Variants in GABRA5 observed in about 807,000 individuals in gnomAD.
The protein encoded by GABRA5 is gamma-aminobutyric acid receptor subunit alpha-5.
A neutral mutation model predicts 47.3 loss-of-function variants in GABRA5; 18 were observed. The ratio of observed to expected loss-of-function variants is 0.38; its 90% CI spans 0.26 to 0.56. The LOEUF is 0.56. GABRA5 is among the 20% of genes least tolerant of loss of function. The pLI, the probability that GABRA5 is intolerant of heterozygous loss-of-function variation, is 0.71. For synonymous variants in GABRA5, 237 were observed against 229.3 expected, an observed-to-expected ratio of 1.03 and a Z score of -0.30; for missense variants, 365 against 599.3, an observed-to-expected ratio of 0.61 and a Z score of 4.08.
rs573402451 is a variant in GABRA5, at chr15:26,889,535, TAGTC to T, written c.497+5980_497+5983del. Among the ~76,000 whole-genome samples the T allele has an allele frequency of 1.5e-3, 230 of 152,330 alleles. 1 individual carries two copies. Among genetic ancestry groups the T allele is most frequent in the African/African-American group, 5.3e-3 (219 of 41,578 alleles). ...TGTCACATTTTTGCTTCATGATTGG[TAGTC>T]AATATCAAATAGCATTAATAGGTAA... On this transcript the variant is annotated intron_variant, in intron 6 of 10. Coordinates refer to ENST00000335625, the MANE Select transcript of GABRA5 (RefSeq NM_000810.4).
Position 26,937,244 on chromosome 15 carries a change from G to C in GABRA5, c.640G>C (p.Val214Leu), listed in dbSNP as rs1462938542. 2 of 1,613,984 alleles carry C rather than the reference G, an allele frequency of 1.2e-6. No homozygotes were observed. Among genetic ancestry groups the C allele is most frequent in the Admixed American group, 3.3e-5 (2 of 60,032 alleles). ...GACCAACGGCTCCACCAAGTCGGTG[G>C]TGGTGGCGGAAGATGGCTCCAGACT... ...VWTNGSTKSVVVAEDGSRLNQ... is the reference protein window; with the variant it reads ...VWTNGSTKSVLVAEDGSRLNQ... Residue 214 changes from valine to leucine, a missense_variant, in exon 8 of 11, where the codon GTG becomes CTG. Val to Leu is a conservative substitution (Grantham distance 32). Coordinates refer to ENST00000335625, the MANE Select transcript of GABRA5 (RefSeq NM_000810.4).
chr15:26,905,579 C>A (rs1893425194), intron 6 of GABRA5, among the ~76,000 whole-genome samples: 1 of 151,860 alleles, frequency 6.6e-6, no homozygotes, highest in Non-Finnish European at 1.5e-5. Context: ...TCCCTTTCTT[C>A]TTTTTCTCTT....
intron 8 of GABRA5, chr15:26,939,578 C>A (rs987859921): frequency 3.3e-6 from 2 of 608,696 alleles, no homozygotes; most frequent in Admixed American, 5.7e-5. Flanking sequence ...TGAGTTACAT[C>A]TGGGGAGGCT....
intron 3 of GABRA5, among the ~76,000 whole-genome samples, chr15:26,878,576 T>G (rs1892654072): frequency 6.6e-6 from 1 of 152,118 alleles, no homozygotes; most frequent in South Asian, 2.1e-4. Context: ...AAGAATCTGT[T>G]TCTTCCCTCC....
rs552453982 is a variant in GABRA5 at position 26,880,665 on chromosome 15, G to GA, written c.87-181_87-180insA. 2.8e-3 allele frequency: 1,488 copies of GA among 523,584 alleles called. 23 individuals carry two copies. Among genetic ancestry groups the GA allele is most frequent in the African/African-American group, 0.026 (1,369 of 51,682 alleles). The allele number at this position is 523,584 out of a possible 1,614,324, so 32.4% of individuals were successfully genotyped here. A position where few individuals can be genotyped will look rare whatever the true frequency, so the allele number is the denominator to read the frequency against. ...AACTAGCCCCAAGCAGAGTATCCTT[G>GA]GATGTTGGAGAACTGAGGTGTATCA... On this transcript the variant is annotated intron_variant, in intron 3 of 10. Coordinates refer to ENST00000335625, the MANE Select transcript of GABRA5 (RefSeq NM_000810.4).
chr15:26,883,641 C>T lies in GABRA5; in HGVS notation c.497+84C>T, dbSNP rs940514107. 7.2e-6 allele frequency: 8 copies of T among 1,114,632 alleles called. No homozygotes were observed. The highest frequency in any genetic ancestry group is 6.3e-5 in the African/African-American group (4 of 63,086). The allele number at this position is 1,114,632 out of a possible 1,614,324, so 69.0% of individuals were successfully genotyped here. A position where few individuals can be genotyped will look rare whatever the true frequency, so the allele number is the denominator to read the frequency against. ...CCATCCTGCCGCAAGAGCTGCGCCG[C>T]GGAGCTGTTCTGACCATAGGTCTGA... On this transcript the variant is annotated intron_variant, in intron 6 of 10. Coordinates refer to ENST00000335625, the MANE Select transcript of GABRA5 (RefSeq NM_000810.4). This position sits in a 1 kb window ranked among gnomAD's most constrained non-coding sequence, Gnocchi z 4.8.
At chr15:26,944,600 G>T (rs1317948789) in intron 10 of GABRA5, among the ~76,000 whole-genome samples, 1 of 152,206 alleles carries the variant, frequency 6.6e-6, no homozygotes, top group Admixed American at 6.5e-5. Context: ...CTCGGGGGCT[G>T]GGAGCAGGCT....
chr15:26,887,381 G>A (rs1402515606), intron 6 of GABRA5, among the ~76,000 whole-genome samples: 1 of 152,086 alleles, frequency 6.6e-6, no homozygotes, highest in African/African-American at 2.4e-5. Context: ...CCAGACTGGA[G>A]GGCAGTGGCG....
chr15:26,935,579 G>A (rs1184328836), intron 7 of GABRA5, among the ~76,000 whole-genome samples: 5 of 152,222 alleles, frequency 3.3e-5, no homozygotes, highest in African/African-American at 1.2e-4. Context: ...TTGGCCTCGA[G>A]TCCAGGAGGA....
At chr15:26,880,678 C>G in intron 3 of GABRA5, 168 bp from the exon 4 acceptor site, 1 of 563,396 alleles carries the variant, frequency 1.8e-6, no homozygotes, top group Non-Finnish European at 3.0e-6. Flanking sequence ...TGTTGGAGAA[C>G]TGAGGTGTAT....
In GABRA5 at chr15:26,948,379, C is replaced by T; in HGVS notation, c.*146C>T. 2.9e-6 allele frequency: 2 copies of T among 695,770 alleles called. No individual in the cohort carries two copies. The highest frequency in any genetic ancestry group is 4.1e-5 in the South Asian group (2 of 49,190). The allele number at this position is 695,770 out of a possible 1,614,324, so 43.1% of individuals were successfully genotyped here. ...TAATAATATGTACAAATAATATTGC[C>T]TTGATGTTTCTATATGTAACTTCAG... On this transcript the variant is annotated 3_prime_UTR_variant, in exon 11 of 11. Coordinates refer to ENST00000335625, the MANE Select transcript of GABRA5 (RefSeq NM_000810.4).
intron 6 of GABRA5, among the ~76,000 whole-genome samples, chr15:26,889,130 C>T (rs1290964894): frequency 2.0e-5 from 3 of 152,246 alleles, no homozygotes; most frequent in Non-Finnish European, 2.9e-5. Context: ...CTTTTGCACA[C>T]TATGTATTCC....
intron 6 of GABRA5, among the ~76,000 whole-genome samples, chr15:26,894,860 G>A (rs942928497): frequency 5.3e-5 from 8 of 151,954 alleles, no homozygotes; most frequent in Non-Finnish European, 7.3e-5. Flanking sequence ...TCCGTCTTGA[G>A]TATCTTTTCT....
chr15:26,925,021 A>T (rs981065719), intron 7 of GABRA5, among the ~76,000 whole-genome samples: 2 of 152,026 alleles, frequency 1.3e-5, no homozygotes, highest in African/African-American at 4.8e-5. Flanking sequence ...ATTTATAAAT[A>T]TAAATATATG....
At chr15:26,904,142 G>A (rs1490400379) in intron 6 of GABRA5, among the ~76,000 whole-genome samples, 1 of 151,990 alleles carries the variant, frequency 6.6e-6, no homozygotes, top group Non-Finnish European at 1.5e-5. Context: ...ATACTTTTAA[G>A]TATATGGTGT....
At chr15:26,872,255 T>C (rs1048249518) in intron 3 of GABRA5, among the ~76,000 whole-genome samples, 3 of 152,164 alleles carry the variant, frequency 2.0e-5, no homozygotes, top group African/African-American at 7.2e-5. Flanking sequence ...GCACCTGTCT[T>C]TATGTTTCGT....
intron 6 of GABRA5, among the ~76,000 whole-genome samples, chr15:26,887,780 T>C (rs1265831501): frequency 6.6e-6 from 1 of 152,048 alleles, no homozygotes; most frequent in Non-Finnish European, 1.5e-5. Flanking sequence ...TTCCCTTTTA[T>C]TTTTAATCGA....
chr15:26,904,081 G>T (rs1179778673), intron 6 of GABRA5, among the ~76,000 whole-genome samples: 1 of 152,012 alleles, frequency 6.6e-6, no homozygotes, highest in Non-Finnish European at 1.5e-5. Flanking sequence ...TTGTCTTGTA[G>T]GGTTTTTATA....
At chr15:26,926,033 C>G (rs1439977931) in intron 7 of GABRA5, among the ~76,000 whole-genome samples, 1 of 152,188 alleles carries the variant, frequency 6.6e-6, no homozygotes, top group Admixed American at 6.5e-5. Context: ...GGATTTTGCA[C>G]CTCACTCTCC....
Sources: gnomAD v4.1 joint callset for allele counts (sites outside exome capture counted in the v4.1 genomes callset) on GRCh38, gnomAD v4.1.1 for gene constraint, Gnocchi (gnomAD v3.1) non-coding constraint, MANE v1.5 for transcripts, NCBI Gene and HGNC (gene_info 2026-07-23, HGNC 2026-07-21) for gene names.